Variants in MCUB observed in about 807,000 individuals in gnomAD.
MCUB encodes the protein calcium uniporter regulatory subunit MCUb, mitochondrial.
Under a neutral mutation model 41.4 loss-of-function variants are expected in MCUB, and 46 were observed. The ratio of observed to expected loss-of-function variants is 1.11; its 90% CI spans 0.88 to 1.42. The LOEUF is 1.42. Ranked by LOEUF, MCUB falls within the 40% of genes most tolerant of loss-of-function variation. The pLI is 0.00. For synonymous variants in MCUB, 148 were observed against 148.2 expected (o/e 1.00, Z 0.01); for missense variants, 403 against 404.9 (o/e 1.00, Z 0.04).
intron 1 of MCUB, among the ~76,000 whole-genome samples, chr4:109,564,895 T>G (rs1726735762): frequency 6.6e-6 from 1 of 152,176 alleles, no homozygotes; most frequent in South Asian, 2.1e-4. Flanking sequence ...CTACCATCTT[T>G]CTTTGAGAGA....
intron 1 of MCUB, among the ~76,000 whole-genome samples, chr4:109,655,751 G>T (rs1398749148): frequency 4.0e-5 from 6 of 151,824 alleles, no homozygotes; most frequent in East Asian, 1.9e-4. Flanking sequence ...GGCAGCAGGG[G>T]GTGTGTGTGT....
Position 109,560,261 on chromosome 4 carries a change from C to A in MCUB, c.-77C>A. ...GGGAGCGCCCACAGCTCGGAGCCAC[C>A]AGGCGCTGACGAGGAGCCCGGCTGA... On this transcript the variant is annotated 5_prime_UTR_variant, in exon 1 of 8. Coordinates refer to ENST00000394650, the MANE Select transcript of MCUB (RefSeq NM_017918.5). 2 of 709,752 alleles carry A rather than the reference C, an allele frequency of 2.8e-6. No individual in the cohort carries two copies. The highest frequency in any genetic ancestry group is 2.0e-6 in the Non-Finnish European group (1 of 512,562). The allele number at this position is 709,752 out of a possible 1,614,324, so 44.0% of individuals were successfully genotyped here.
intron 1 of MCUB, among the ~76,000 whole-genome samples, chr4:109,615,201 CTG>C (rs1728098352): frequency 6.6e-6 from 1 of 152,078 alleles, no homozygotes; most frequent in South Asian, 2.1e-4. Context: ...CTTGCGTACT[CTG>C]TGGAAAACAG....
intron 1 of MCUB, among the ~76,000 whole-genome samples, chr4:109,603,639 C>A (rs574791895): frequency 6.6e-6 from 1 of 151,386 alleles, no homozygotes; most frequent in African/African-American, 2.4e-5. Flanking sequence ...GCCACCACCC[C>A]GTCTGGGAAC....
At chr4:109,602,375 A>G (rs773925892) in intron 1 of MCUB, among the ~76,000 whole-genome samples, 5 of 152,134 alleles carry the variant, frequency 3.3e-5, no homozygotes, top group Admixed American at 6.6e-5. Flanking sequence ...ATCCATTTTT[A>G]TTTGACTTCT....
intron 1 of MCUB, 134 bp from the exon 2 acceptor site, chr4:109,658,877 G>A: frequency 1.5e-6 from 1 of 650,734 alleles, no homozygotes. Flanking sequence ...CTCACCCTGG[G>A]ATGCATGACA....
intron 1 of MCUB, among the ~76,000 whole-genome samples, chr4:109,619,437 G>A (rs906798488): frequency 1.3e-5 from 2 of 152,160 alleles, no homozygotes; most frequent in Non-Finnish European, 2.9e-5. Flanking sequence ...GCTGGGCGTG[G>A]TGGCTCACGC....
chr4:109,625,710 G>C (rs1287850739), intron 1 of MCUB, among the ~76,000 whole-genome samples: 1 of 152,148 alleles, frequency 6.6e-6, no homozygotes, highest in Non-Finnish European at 1.5e-5. Flanking sequence ...ACTGTATCTT[G>C]TTTACTAGTA....
rs1726599134 is a variant in MCUB, at chr4:109,560,565, C to CGCGCCGGGCGGTCCCGACAGGTGG, written c.99+130_99+153dup. The CGCGCCGGGCGGTCCCGACAGGTGG allele has an allele frequency of 8.7e-6, 4 of 459,904 alleles. No homozygotes were observed. The East Asian group carries it at 1.5e-4, about 17-fold the overall frequency. The allele number at this position is 459,904 out of a possible 1,614,324, so 28.5% of individuals were successfully genotyped here. ...GCGTTTTGCTGGCTGCCGGGCTCCG[C>CGCGCCGGGCGGTCCCGACAGGTGG]GCGCCGGGCGGTCCCGACAGGTGGT... On this transcript the variant is annotated intron_variant, in intron 1 of 7. Coordinates refer to ENST00000394650, the MANE Select transcript of MCUB (RefSeq NM_017918.5).
chr4:109,659,773 C>T (rs527375904), intron 2 of MCUB, among the ~76,000 whole-genome samples: 27 of 152,290 alleles, frequency 1.8e-4, no homozygotes, highest in Admixed American at 3.9e-4. Context: ...CGTCCCAGCT[C>T]AGCCTCTTAA....
At chr4:109,575,021 A>G (rs958551244) in intron 1 of MCUB, among the ~76,000 whole-genome samples, 2 of 152,198 alleles carry the variant, frequency 1.3e-5, no homozygotes, top group East Asian at 3.8e-4. Flanking sequence ...GTTAGCTTAA[A>G]TAGGAGCATT....
rs578159051 is a variant in MCUB at position 109,613,731 on chromosome 4, A to G, written c.100-45280A>G. 2.0e-5 allele frequency among the ~76,000 whole-genome samples: 3 copies of G among 152,348 alleles called. No individual in the cohort carries two copies. In the East Asian group the frequency reaches 5.8e-4, roughly 29 times the overall value. ...AAGAGATTACACTTACATAAGGGTC[A>G]GAATACCAGGAGGCAGGATCACTGA... is the stretch of plus-strand genomic sequence containing the variant. On this transcript the variant is annotated intron_variant, in intron 1 of 7. Coordinates refer to ENST00000394650, the MANE Select transcript of MCUB (RefSeq NM_017918.5).
chr4:109,677,572 G>T (rs1729600491), intron 4 of MCUB, among the ~76,000 whole-genome samples: 1 of 152,154 alleles, frequency 6.6e-6, no homozygotes, highest in South Asian at 2.1e-4. Flanking sequence ...GAGGTGTTTA[G>T]GTCATGAGGA....
At chr4:109,679,383 C>T (rs954379184) in intron 4 of MCUB, among the ~76,000 whole-genome samples, 4 of 152,200 alleles carry the variant, frequency 2.6e-5, no homozygotes, top group South Asian at 2.1e-4. Context: ...AGCGAGACTC[C>T]GTCTGCAATC....
At chr4:109,631,453 A>T (rs1395023849) in intron 1 of MCUB, among the ~76,000 whole-genome samples, 5 of 152,244 alleles carry the variant, frequency 3.3e-5, no homozygotes, top group African/African-American at 1.2e-4. Context: ...TAAATAATAG[A>T]AATTGAGTGC....
intron 1 of MCUB, among the ~76,000 whole-genome samples, chr4:109,599,794 A>T (rs1320190872): frequency 6.6e-6 from 1 of 151,840 alleles, no homozygotes; most frequent in Non-Finnish European, 1.5e-5. Context: ...TCAGCCTCCC[A>T]AGTAGCTGGG....
chr4:109,591,152 C>G (rs1727427440), intron 1 of MCUB, among the ~76,000 whole-genome samples: 1 of 152,002 alleles, frequency 6.6e-6, no homozygotes, highest in African/African-American at 2.4e-5. Context: ...CTCCTTTTCA[C>G]CATCGTCCTC....
chr4:109,684,002 T>C (rs1729774312), intron 5 of MCUB, among the ~76,000 whole-genome samples: 1 of 152,178 alleles, frequency 6.6e-6, no homozygotes, highest in Admixed American at 6.5e-5. Context: ...ATAAATTGTT[T>C]TTCCATATGT....
chr4:109,676,341 C>A (rs1205425390), intron 4 of MCUB, among the ~76,000 whole-genome samples: 1 of 152,056 alleles, frequency 6.6e-6, no homozygotes, highest in Non-Finnish European at 1.5e-5. Context: ...GAGTTTGAGA[C>A]CAGTGTGGCC....
Sources: allele counts gnomAD v4.1 joint callset (sites outside exome capture counted in the v4.1 genomes callset), GRCh38; gene constraint gnomAD v4.1.1; transcripts MANE v1.5; gene names NCBI Gene and HGNC (gene_info 2026-07-23, HGNC 2026-07-21).